SLC25A21: variants seen among roughly 807,000 people sequenced by gnomAD.
SLC25A21 encodes the protein mitochondrial 2-oxodicarboxylate carrier.
In SLC25A21, 47 loss-of-function variants were observed where a neutral mutation model predicts 43.8. The ratio of observed to expected loss-of-function variants is 1.07; its 90% CI spans 0.85 to 1.37. The LOEUF is 1.37. Ranked by LOEUF, SLC25A21 falls within the 40% of genes most tolerant of loss-of-function variation. SLC25A21 has a pLI of 0.00. For missense variants in SLC25A21, 352 were observed against 350.2 expected, an observed-to-expected ratio of 1.00 and a Z score of -0.04; for synonymous variants, 131 against 121.3, an observed-to-expected ratio of 1.08 and a Z score of -0.52.
At chr14:36,743,479 G>C (rs1885359242) in intron 3 of SLC25A21, among the ~76,000 whole-genome samples, 1 of 151,930 alleles carries the variant, frequency 6.6e-6, no homozygotes, top group Non-Finnish European at 1.5e-5. Context: ...TGAAAACCAG[G>C]AAAGACAACC....
Position 36,993,137 on chromosome 14 carries a change from C to T in SLC25A21, c.71-118133G>A, listed in dbSNP as rs142951756. Among the ~76,000 whole-genome samples the T allele has an allele frequency of 2.7e-3, 406 of 152,230 alleles. 2 individuals are homozygous for T. The highest frequency in any genetic ancestry group is 4.3e-3 in the Non-Finnish European group (291 of 68,012). ...ATCATAAACATTTACTTCCAGTTCA[C>T]CAGAATATATCTAATTAATACTGCT... is the stretch of plus-strand genomic sequence containing the variant. On this transcript the variant is annotated intron_variant, in intron 1 of 9. Coordinates refer to ENST00000331299, the MANE Select transcript of SLC25A21 (RefSeq NM_030631.4).
chr14:36,909,442 T>A (rs1891624690), intron 1 of SLC25A21, among the ~76,000 whole-genome samples: 1 of 152,176 alleles, frequency 6.6e-6, no homozygotes, highest in Non-Finnish European at 1.5e-5. Context: ...TAGTAAAGCG[T>A]ATTCAACTGC....
At chr14:36,896,025 G>T (rs958272651) in intron 1 of SLC25A21, among the ~76,000 whole-genome samples, 1 of 152,172 alleles carries the variant, frequency 6.6e-6, no homozygotes, top group East Asian at 1.9e-4. Context: ...TGTTGATTTG[G>T]GGTGGAGTGT....
rs1259234258 is a variant in SLC25A21 at position 36,684,763 on chromosome 14, T to C, written c.766A>G (p.Thr256Ala). The C allele has an allele frequency of 2.2e-5, 35 of 1,607,886 alleles. No individual in the cohort carries two copies. Among genetic ancestry groups the C allele is most frequent in the Non-Finnish European group, 3.0e-5 (35 of 1,177,904 alleles). Reference protein sequence around the residue: ...KYRTCFKTMATVYQEEGILAL... With the variant: ...KYRTCFKTMAAVYQEEGILAL... ...TGTTACCCTTCTTCCTGATAGACTG[T>C]TGCCATTGTTTTAAAACAGGTTCTG... The change falls in exon 8 of 10, where the codon ACA becomes GCA. Residue 256 changes from threonine (T) to alanine (A), a missense_variant. Transcript: ENST00000331299.
At chr14:36,920,700 A>G (rs77421671) in intron 1 of SLC25A21, among the ~76,000 whole-genome samples, 2,232 of 152,200 alleles carry the variant, frequency 0.015, 52 homozygotes, top group African/African-American at 0.051. Flanking sequence ...TACAGTAGAC[A>G]AAAGCCAGAA....
At chr14:36,741,706 G>A (rs142724009) in intron 3 of SLC25A21, among the ~76,000 whole-genome samples, 5 of 152,310 alleles carry the variant, frequency 3.3e-5, no homozygotes, top group African/African-American at 1.2e-4. Context: ...CACACAGCAT[G>A]AGAAGGATGC....
chr14:37,103,324 T>C (rs1962852636), intron 1 of SLC25A21, among the ~76,000 whole-genome samples: 2 of 152,262 alleles, frequency 1.3e-5, no homozygotes, highest in East Asian at 3.9e-4. Context: ...GGCTTCCAAA[T>C]TGGGCCTGAT....
At chr14:36,930,431 G>A (rs1892255514) in intron 1 of SLC25A21, among the ~76,000 whole-genome samples, 1 of 151,902 alleles carries the variant, frequency 6.6e-6, no homozygotes. Context: ...TTTTCACTCA[G>A]TCCCCTCATC....
At chr14:36,950,395 C>T (rs1051342865) in intron 1 of SLC25A21, among the ~76,000 whole-genome samples, 1 of 151,974 alleles carries the variant, frequency 6.6e-6, no homozygotes, top group Non-Finnish European at 1.5e-5. Flanking sequence ...GGACTAATAT[C>T]TTTATAAGAA....
intron 2 of SLC25A21, among the ~76,000 whole-genome samples, chr14:36,851,618 A>G (rs1235294189): frequency 2.6e-5 from 4 of 152,228 alleles, no homozygotes; most frequent in African/African-American, 4.8e-5. Context: ...TATAAAATAA[A>G]TTGACAATAA....
intron 2 of SLC25A21, among the ~76,000 whole-genome samples, chr14:36,820,888 C>G (rs1192331476): frequency 6.6e-6 from 1 of 152,144 alleles, no homozygotes; most frequent in Admixed American, 6.5e-5. Flanking sequence ...TCAATAAACA[C>G]TTGAGAAGCC....
At chr14:37,107,027 T>C (rs1213482127) in intron 1 of SLC25A21, among the ~76,000 whole-genome samples, 1 of 152,188 alleles carries the variant, frequency 6.6e-6, no homozygotes, top group Non-Finnish European at 1.5e-5. Context: ...ATTTCAGGTA[T>C]AGATATTCAA....
At chr14:36,684,622 G>T in intron 8 of SLC25A21, 122 bp downstream of exon 8, 1 of 863,114 alleles carries the variant, frequency 1.2e-6, no homozygotes, top group Non-Finnish European at 1.7e-6. Flanking sequence ...TATATTCGCA[G>T]TTTCTTAGAC....
chr14:36,955,776 G>A, intron 1 of SLC25A21, among the ~76,000 whole-genome samples: 1 of 151,892 alleles, frequency 6.6e-6, no homozygotes. Flanking sequence ...AATTCATCTT[G>A]TGGAATGATA....
chr14:37,171,811 A>C (rs1964134249), intron 1 of SLC25A21: 1 of 159,394 alleles, frequency 6.3e-6, no homozygotes, highest in South Asian at 2.0e-4. Flanking sequence ...AAGCAAGCAC[A>C]GTATGCAATA....
At chr14:37,095,852 C>T (rs940950530) in intron 1 of SLC25A21, among the ~76,000 whole-genome samples, 3 of 151,052 alleles carry the variant, frequency 2.0e-5, no homozygotes, top group African/African-American at 7.3e-5. Flanking sequence ...ACAAAAAACA[C>T]CTTGACCAGG....
intron 1 of SLC25A21, among the ~76,000 whole-genome samples, chr14:36,934,986 T>C (rs1460736005): frequency 6.6e-6 from 1 of 151,370 alleles, no homozygotes; most frequent in African/African-American, 2.4e-5. Context: ...CTAAAACCTG[T>C]GGTTCTTTAT....
chr14:37,109,330 T>A (rs1368126708), intron 1 of SLC25A21, among the ~76,000 whole-genome samples: 1 of 144,424 alleles, frequency 6.9e-6, no homozygotes, highest in Non-Finnish European at 1.5e-5. Context: ...AAGCAATGAA[T>A]CTCGGGCCAA....
chr14:37,100,122 A>T (rs1248641366), intron 1 of SLC25A21, among the ~76,000 whole-genome samples: 1 of 151,696 alleles, frequency 6.6e-6, no homozygotes, highest in Non-Finnish European at 1.5e-5. Context: ...GCAGTCACAC[A>T]ATTTCAGCTC....
Sources: allele counts gnomAD v4.1 joint callset (sites outside exome capture counted in the v4.1 genomes callset), GRCh38; gene constraint gnomAD v4.1.1; transcripts MANE v1.5; gene names NCBI Gene and HGNC (gene_info 2026-07-23, HGNC 2026-07-21).